Variants in THTPA observed in about 807,000 individuals in gnomAD.
THTPA encodes the protein thiamine triphosphatase.
Under a neutral mutation model 16.5 loss-of-function variants are expected in THTPA, and 16 were observed. That is an observed-to-expected ratio of 0.97 (90% CI 0.66 to 1.47). The LOEUF is 1.47. Among genes scored for constraint, THTPA ranks in the 40% most tolerant of loss-of-function variants. The pLI, the probability that THTPA is intolerant of heterozygous loss-of-function variation, is 0.00. For missense variants in THTPA, 281 were observed against 280.9 expected, an observed-to-expected ratio of 1.00 and a Z score of 0.00; for synonymous variants, 110 against 115.5, an observed-to-expected ratio of 0.95 and a Z score of 0.30.
the THTPA span, chr14:23,527,725 A>G: frequency 6.5e-7 from 1 of 1,536,140 alleles, no homozygotes; most frequent in Non-Finnish European, 8.7e-7. Flanking sequence ...CTTGGGCTGC[A>G]CTGCATGCTG....
the THTPA span, chr14:23,524,483 G>A: frequency 6.5e-7 from 1 of 1,530,912 alleles, no homozygotes; most frequent in Non-Finnish European, 8.7e-7. The surrounding 1 kb of genome is among the most constrained non-coding windows in gnomAD (Gnocchi z 5.6). Flanking sequence ...TGAGGTGGCT[G>A]CCACCAGGGG....
chr14:23,544,159 G>A, the THTPA span: 1 of 151,898 alleles, frequency 6.6e-6, no homozygotes, highest in East Asian at 1.9e-4. Flanking sequence ...GGAGGCTGAG[G>A]CAGAAGAATC....
chr14:23,525,086 T>C, the THTPA span: 1 of 1,535,968 alleles, frequency 6.5e-7, no homozygotes, highest in Non-Finnish European at 8.7e-7. The surrounding 1 kb of genome is among the most constrained non-coding windows in gnomAD (Gnocchi z 5.9). Context: ...GTCTTTGGGG[T>C]AGGCGCTAGT....
chr14:23,535,031 C>T, the THTPA span: 1 of 1,536,078 alleles, frequency 6.5e-7, no homozygotes. This position sits in a 1 kb window ranked among gnomAD's most constrained non-coding sequence, Gnocchi z 4.5. Context: ...TCTTCCTCCT[C>T]CTGCTCCTTG....
At chr14:23,532,727 C>G in the THTPA span, 12 of 1,535,366 alleles carry the variant, frequency 7.8e-6, no homozygotes, top group African/African-American at 1.4e-4. Context: ...GGAAGGGGTG[C>G]CCATGGCTCC....
chr14:23,551,897 C>T (rs542946867), upstream of THTPA, among the ~76,000 whole-genome samples: 1 of 152,306 alleles, frequency 6.6e-6, no homozygotes, highest in African/African-American at 2.4e-5. This position sits in a 1 kb window ranked among gnomAD's most constrained non-coding sequence, Gnocchi z 5.3. Context: ...CGGGGGCAGG[C>T]CGGCCAGCCC....
chr14:23,525,121 G>A, the THTPA span: 13 of 1,536,038 alleles, frequency 8.5e-6, no homozygotes, highest in African/African-American at 1.4e-4. This position sits in a 1 kb window ranked among gnomAD's most constrained non-coding sequence, Gnocchi z 5.9. Flanking sequence ...GCAGGGCTTG[G>A]GTCTGGAACT....
chr14:23,543,927 G>C, the THTPA span: 5 of 152,092 alleles, frequency 3.3e-5, no homozygotes, highest in Admixed American at 2.0e-4. Flanking sequence ...AATGACCTCA[G>C]GTAAGTTGCG....
the THTPA span, chr14:23,527,840 G>GGGAAGGA: frequency 6.6e-7 from 1 of 1,525,546 alleles, no homozygotes; most frequent in Non-Finnish European, 8.8e-7. Context: ...CGAAGTGTCA[G>GGGAAGGA]GGAAGGATGG....
upstream of THTPA, chr14:23,551,508 A>G (rs1328994055): frequency 8.9e-5 from 13 of 145,282 alleles, no homozygotes; most frequent in Admixed American, 9.1e-4. The surrounding 1 kb of genome is among the most constrained non-coding windows in gnomAD (Gnocchi z 5.3). Flanking sequence ...TCAGGGACGG[A>G]GACGGAAAAA....
At chr14:23,533,361 G>C in the THTPA span, 2 of 1,445,086 alleles carry the variant, frequency 1.4e-6, no homozygotes, top group African/African-American at 2.9e-5. This position sits in a 1 kb window ranked among gnomAD's most constrained non-coding sequence, Gnocchi z 4.8. Flanking sequence ...CCAGGGGCTT[G>C]TCTGGCCTCA....
chr14:23,539,048 CT>C, the THTPA span, among the ~76,000 whole-genome samples: 1 of 152,108 alleles, frequency 6.6e-6, no homozygotes, highest in Admixed American at 6.5e-5. Flanking sequence ...TAGTCATCCC[CT>C]GAGATGAATC....
At chr14:23,522,345 C>T in the THTPA span, 36 of 1,535,282 alleles carry the variant, frequency 2.3e-5, no homozygotes, top group Non-Finnish European at 2.9e-5. Flanking sequence ...TGGGTTACAT[C>T]CACGGTGGAG....
At chr14:23,552,543 G>A (rs543665405), upstream of THTPA, among the ~76,000 whole-genome samples, 4 of 150,726 alleles carry the variant, frequency 2.7e-5, no homozygotes, top group African/African-American at 7.3e-5. Flanking sequence ...CGCCTGCCTC[G>A]GCCTCCCAAA....
the THTPA span, among the ~76,000 whole-genome samples, chr14:23,539,230 T>G: frequency 6.6e-6 from 1 of 152,156 alleles, no homozygotes; most frequent in Non-Finnish European, 1.5e-5. Flanking sequence ...ATTGCCCTCT[T>G]CCTCTGTCCA....
chr14:23,550,896 C>CG, the THTPA span, among the ~76,000 whole-genome samples: 3 of 152,036 alleles, frequency 2.0e-5, no homozygotes, highest in African/African-American at 4.8e-5. Context: ...CCACAGCCGG[C>CG]GGGGGGCCGC....
the THTPA span, chr14:23,522,316 C>G: frequency 6.6e-7 from 1 of 1,525,490 alleles, no homozygotes; most frequent in East Asian, 2.5e-5. Context: ...CCATCTTGCA[C>G]TGGCGGCACA....
upstream of THTPA, among the ~76,000 whole-genome samples, chr14:23,553,001 C>T (rs1039697630): frequency 2.0e-5 from 3 of 152,186 alleles, no homozygotes; most frequent in Non-Finnish European, 4.4e-5. Context: ...ATACCTCAAG[C>T]ATGAGGTAGA....
At chr14:23,525,908 A>AG in the THTPA span, 1 of 1,440,188 alleles carries the variant, frequency 6.9e-7, no homozygotes, top group Non-Finnish European at 9.1e-7. The surrounding 1 kb of genome is among the most constrained non-coding windows in gnomAD (Gnocchi z 5.9). Context: ...GAAGGGGGGC[A>AG]GGACTGGTGG....
Sources: allele counts gnomAD v4.1 joint callset (sites outside exome capture counted in the v4.1 genomes callset), GRCh38; gene constraint gnomAD v4.1.1; non-coding constraint Gnocchi (gnomAD v3.1); transcripts MANE v1.5; gene names NCBI Gene and HGNC (gene_info 2026-07-23, HGNC 2026-07-21).